UNK: variants seen among roughly 807,000 people sequenced by gnomAD.
The protein encoded by UNK is RING finger protein unkempt homolog.
In UNK, 32 loss-of-function variants were observed where a neutral mutation model predicts 97.6. That is an observed-to-expected ratio of 0.33 (90% CI 0.25 to 0.44). The LOEUF (loss-of-function observed/expected upper bound fraction) is 0.44. Among genes scored for constraint, UNK ranks in the 20% least tolerant of loss-of-function variants. The pLI is 1.00. For synonymous variants in UNK, 441 were observed against 461.2 expected (o/e 0.96, Z 0.56); for missense variants, 771 against 1,098.4 (o/e 0.70, Z 4.21).
rs1299941452 is a variant in UNK at position 75,817,032 on chromosome 17, G to T, written c.1104+120G>T. 2.9e-6 allele frequency: 4 copies of T among 1,392,596 alleles called. No individual in the cohort carries two copies. The highest frequency in any genetic ancestry group is 3.8e-6 in the Non-Finnish European group (4 of 1,052,974). 86.3% of individuals were successfully genotyped at this position (1,392,596 alleles called of 1,614,324 possible). Reference sequence around the variant, plus strand: ...CTGGTATTTGTCCTCAGGCCAGGGGGATCTGTCTTTTCCATCTCAGCATTC... The same window carrying T: ...CTGGTATTTGTCCTCAGGCCAGGGGTATCTGTCTTTTCCATCTCAGCATTC... On this transcript the variant is annotated intron_variant, in intron 8 of 15. Transcript: ENST00000589666. This position sits in a 1 kb window ranked among gnomAD's most constrained non-coding sequence, Gnocchi z 5.8.
Position 75,823,557 on chromosome 17 carries a change from A to C in UNK, c.2277+35A>C, listed in dbSNP as rs776082550. On this transcript the variant is annotated intron_variant, in intron 15 of 15. Transcript: ENST00000589666. ...GGTCGGGGAGCACTGGGTGGGATGC[A>C]CGGTGGCCTCAGCCAGCTCTTGGAC... 1.6e-4 allele frequency: 237 copies of C among 1,500,052 alleles called. 2 individuals are homozygous for C. The highest frequency in any genetic ancestry group is 1.9e-4 in the Non-Finnish European group (218 of 1,119,506). The allele number at this position is 1,500,052 out of a possible 1,614,324, so 92.9% of individuals were successfully genotyped here. A position where few individuals can be genotyped will look rare whatever the true frequency, so the allele number is the denominator to read the frequency against.
At position 75,818,701 on chromosome 17, in the gene UNK, C is replaced by A; in HGVS notation, c.1431C>A (p.Ile477=). ...SPLTSSISSS[I]TSSLAATPPS... is the part of the protein sequence containing the mutation. The stretch of plus-strand genomic sequence containing the variant: ...TGACCTCAAGCATCTCTTCTAGTAT[C>A]ACCTCCAGCCTGGCAGCTACCCCCC... Residue 477 remains isoleucine (I), a synonymous_variant, in exon 11 of 16, where the codon ATC becomes ATA. Transcript: ENST00000589666. The surrounding 1 kb of genome is among the most constrained non-coding windows in gnomAD (Gnocchi z 5.1). 6.2e-7 allele frequency: 1 copy of A among 1,612,932 alleles called. No homozygotes were observed. The highest frequency in any genetic ancestry group is 1.1e-5 in the South Asian group (1 of 90,884).
chr17:75,797,805 C>T (rs899565776), intron 1 of UNK, among the ~76,000 whole-genome samples: 3 of 152,200 alleles, frequency 2.0e-5, no homozygotes, highest in African/African-American at 7.2e-5. Flanking sequence ...TCCACCGGCT[C>T]AATCTCTTGT....
intron 1 of UNK, among the ~76,000 whole-genome samples, chr17:75,792,996 T>G (rs2061775576): frequency 6.6e-6 from 1 of 152,234 alleles, no homozygotes; most frequent in South Asian, 2.1e-4. Context: ...TCTCAGTGGC[T>G]TAGGCCCTGT....
At chr17:75,807,780 G>A (rs924674311) in intron 1 of UNK, among the ~76,000 whole-genome samples, 1 of 150,774 alleles carries the variant, frequency 6.6e-6, no homozygotes. Context: ...GTAGAGACCG[G>A]GTTTCAGCAG....
chr17:75,816,449 A>G lies in UNK; in HGVS notation c.962-321A>G, dbSNP rs527801163. ...TTTGGAGTTGTACAGATCAGCGTTC[A>G]AGACCCAGCTCCTCTGTGTTTTAGC... On this transcript the variant is annotated intron_variant, in intron 7 of 15. Transcript: ENST00000589666. This position sits in a 1 kb window ranked among gnomAD's most constrained non-coding sequence, Gnocchi z 4.0. Among the ~76,000 whole-genome samples the G allele has an allele frequency of 4.1e-4, 62 of 152,328 alleles. No homozygotes were observed. The highest frequency in any genetic ancestry group is 7.1e-4 in the Non-Finnish European group (48 of 68,036).
intron 2 of UNK, 23 bp downstream of exon 2, chr17:75,809,992 A>G: frequency 1.2e-6 from 2 of 1,611,872 alleles, no homozygotes; most frequent in Non-Finnish European, 1.7e-6. Context: ...GCCTGTCCTC[A>G]GAGGAGCCCC....
Position 75,817,219 on chromosome 17 carries a change from A to G in UNK, c.1105-107A>G. 7.9e-7 allele frequency: 1 copy of G among 1,272,256 alleles called. No homozygotes were observed. The highest frequency in any genetic ancestry group is 1.1e-6 in the Non-Finnish European group (1 of 930,670). 78.8% of individuals were successfully genotyped at this position (1,272,256 alleles called of 1,614,324 possible). A position where few individuals can be genotyped will look rare whatever the true frequency, so the allele number is the denominator to read the frequency against. ...TCACTGCTGCTCGTTGGCAGATGAA[A>G]GTGGAACTGAGCCCCTTGAAGACTC... is the stretch of plus-strand genomic sequence containing the variant. On this transcript the variant is annotated intron_variant, in intron 8 of 15. Transcript: ENST00000589666. The surrounding 1 kb of genome is among the most constrained non-coding windows in gnomAD (Gnocchi z 5.8).
intron 14 of UNK, 40 bp downstream of exon 14, chr17:75,822,698 G>C (rs2062080158): frequency 6.5e-7 from 1 of 1,549,642 alleles, no homozygotes; most frequent in African/African-American, 1.4e-5. Flanking sequence ...CCAGTGCCAG[G>C]TGGCATCCAG....
At position 75,819,755 on chromosome 17, in the gene UNK, A is replaced by G. The variant is rs766490797; in HGVS notation, c.1618A>G (p.Thr540Ala). Reference sequence around the variant, plus strand: ...CCTGGAGAAGACTTTCGATAACAGCACAGTGCCCCACCCAGGAAGCATCAC... The same window carrying G: ...CCTGGAGAAGACTTTCGATAACAGCGCAGTGCCCCACCCAGGAAGCATCAC... ...AALEKTFDNS[T>A]VPHPGSITIG... is the part of the protein sequence containing the mutation. The change falls in exon 12 of 16, where the codon ACA (threonine) becomes GCA (alanine). Residue 540 changes from threonine (T) to alanine (A), a missense_variant. Thr to Ala is a moderately conservative substitution (Grantham distance 58, BLOSUM62 0). Coordinates refer to ENST00000589666, the MANE Select transcript of UNK (RefSeq NM_001080419.3). This position sits in a 1 kb window ranked among gnomAD's most constrained non-coding sequence, Gnocchi z 5.4. 3 of 1,613,860 alleles carry G rather than the reference A, an allele frequency of 1.9e-6. No homozygotes were observed. Among genetic ancestry groups the G allele is most frequent in the East Asian group, 4.5e-5 (2 of 44,890 alleles).
intron 1 of UNK, chr17:75,791,723 A>C: frequency 6.1e-6 from 6 of 984,952 alleles, no homozygotes; most frequent in Non-Finnish European, 7.2e-6. Context: ...TAAAGTCAAG[A>C]TTTGCTTAAT....
At chr17:75,820,387 C>T (rs1193317950) in intron 13 of UNK, among the ~76,000 whole-genome samples, 4 of 152,202 alleles carry the variant, frequency 2.6e-5, no homozygotes, top group Admixed American at 6.5e-5. Context: ...GTGCTAGGCA[C>T]GAGGCCAGTG....
At chr17:75,795,152 T>C (rs1423538529) in intron 1 of UNK, among the ~76,000 whole-genome samples, 1 of 152,108 alleles carries the variant, frequency 6.6e-6, no homozygotes, top group African/African-American at 2.4e-5. Flanking sequence ...ACATGATGGA[T>C]GTGTGTTCTA....
Position 75,820,498 on chromosome 17 carries a change from G to A in UNK, c.1837+390G>A, listed in dbSNP as rs112748911. On this transcript the variant is annotated intron_variant, in intron 13 of 15. Coordinates refer to ENST00000589666, the MANE Select transcript of UNK (RefSeq NM_001080419.3). ...ACCCCAGGCTCCGAGAGGCTGGCTC[G>A]CACCAGCCAGGTTCACAGGGGACCA... 2.0e-3 allele frequency among the ~76,000 whole-genome samples: 312 copies of A among 152,262 alleles called. 1 individual carries two copies. Among genetic ancestry groups the A allele is most frequent in the African/African-American group, 6.9e-3 (286 of 41,550 alleles).
chr17:75,819,507 T>C lies in UNK; in HGVS notation c.1547-177T>C. Reference sequence around the variant, plus strand: ...TGGGTTGGACATGACTGGCAGACGGTGTCAGAAGTCAGGAGTCAGGATTGG... The same window carrying C: ...TGGGTTGGACATGACTGGCAGACGGCGTCAGAAGTCAGGAGTCAGGATTGG... On this transcript the variant is annotated intron_variant, in intron 11 of 15. Coordinates refer to ENST00000589666, the MANE Select transcript of UNK (RefSeq NM_001080419.3). The surrounding 1 kb of genome is among the most constrained non-coding windows in gnomAD (Gnocchi z 5.4). 1 of 611,684 alleles carries C rather than the reference T, an allele frequency of 1.6e-6. No individual in the cohort carries two copies. Among genetic ancestry groups the C allele is most frequent in the Non-Finnish European group, 2.9e-6 (1 of 343,520 alleles). The allele number at this position is 611,684 out of a possible 1,614,324, so 37.9% of individuals were successfully genotyped here. A position where few individuals can be genotyped will look rare whatever the true frequency, so the allele number is the denominator to read the frequency against.
chr17:75,805,809 A>AGTGTGT (rs1567800919), intron 1 of UNK, among the ~76,000 whole-genome samples: 1 of 96,492 alleles, frequency 1.0e-5, no homozygotes, highest in African/African-American at 6.1e-5. Context: ...TAAAAAGAAA[A>AGTGTGT]ATGTGTGTGT....
At chr17:75,812,793 T>C (rs2061982086) in intron 4 of UNK, among the ~76,000 whole-genome samples, 1 of 152,252 alleles carries the variant, frequency 6.6e-6, no homozygotes, top group African/African-American at 2.4e-5. Context: ...CTTTCACATG[T>C]GCACAGGCAC....
intron 1 of UNK, chr17:75,791,982 A>C: frequency 1.0e-6 from 1 of 985,444 alleles, no homozygotes; most frequent in Non-Finnish European, 1.2e-6. Flanking sequence ...TCGTGGACCT[A>C]CACGTCCTCC....
intron 13 of UNK, 81 bp downstream of exon 13, chr17:75,820,189 C>A: frequency 7.0e-7 from 1 of 1,432,824 alleles, no homozygotes; most frequent in Non-Finnish European, 9.5e-7. Context: ...ACCCCATCTA[C>A]GGCATATCAG....
Sources: gnomAD v4.1 joint callset for allele counts (sites outside exome capture counted in the v4.1 genomes callset) on GRCh38, gnomAD v4.1.1 for gene constraint, Gnocchi (gnomAD v3.1) non-coding constraint, MANE v1.5 for transcripts, NCBI Gene and HGNC (gene_info 2026-07-23, HGNC 2026-07-21) for gene names.